The following ZNF236 variants were observed in gnomAD, a reference collection of about 807,000 sequenced individuals.
ZNF236 encodes the protein zinc finger protein 236, also known as regulated by glucose.
A neutral mutation model predicts 191.2 loss-of-function variants in ZNF236; 50 were observed. The observed-to-expected ratio is 0.26, with a 90% CI of 0.21 to 0.33. ZNF236 has a LOEUF of 0.33. Among genes scored for constraint, ZNF236 ranks in the 10% least tolerant of loss-of-function variants. The probability of loss-of-function intolerance (pLI) is 1.00; values close to 1 mark genes in which losing one functional copy is unlikely to be tolerated. For synonymous variants in ZNF236, 907 were observed against 928.8 expected (o/e 0.98, Z 0.43); for missense variants, 1,754 against 2,374.5 (o/e 0.74, Z 5.43).
rs1474660583 is a variant in ZNF236, at chr18:76,925,319, C to G, written c.3792C>G (p.Thr1264=). 1 of 1,614,062 alleles carries G rather than the reference C, an allele frequency of 6.2e-7. No individual in the cohort carries two copies. The highest frequency in any genetic ancestry group is 1.3e-5 in the African/African-American group (1 of 74,900). The change falls in exon 22 of 31, where the codon ACC becomes ACG. Residue 1264 remains threonine (T), a synonymous_variant. Transcript: ENST00000320610. The surrounding 1 kb of genome is among the most constrained non-coding windows in gnomAD (Gnocchi z 5.7). The part of the protein sequence containing the change: ...KCPHCELRFR[T]SGRRKTHMQF... ...CGCATTGCGAGCTGCGTTTCCGTAC[C>G]TCGGGTAGAAGAAAGACACACATGC...
At chr18:76,892,153 GAAA>G (rs1977257754) in intron 9 of ZNF236, among the ~76,000 whole-genome samples, 1 of 59,672 alleles carries the variant, frequency 1.7e-5, no homozygotes, top group East Asian at 5.3e-4. Context: ...TTTTCTTTTT[GAAA>G]TTTTCTTCTG....
At chr18:76,905,990 G>A (rs937773417) in intron 13 of ZNF236, among the ~76,000 whole-genome samples, 1 of 152,188 alleles carries the variant, frequency 6.6e-6, no homozygotes, top group Admixed American at 6.5e-5. Flanking sequence ...TTTCTGTGAA[G>A]CCACAGAATT....
chr18:76,944,714 G>A (rs1284643207), intron 26 of ZNF236, among the ~76,000 whole-genome samples: 1 of 152,154 alleles, frequency 6.6e-6, no homozygotes, highest in African/African-American at 2.4e-5. Context: ...CTCAGGAGGT[G>A]GAGGTTGCAG....
chr18:76,829,331 GT>G (rs11316393), intron 1 of ZNF236, among the ~76,000 whole-genome samples: 106,217 of 138,258 alleles, frequency 0.77, 40,671 homozygotes, highest in Non-Finnish European at 0.81. Context: ...CCTGGGGGAG[GT>G]TTTTTTTTTT....
intron 10 of ZNF236, among the ~76,000 whole-genome samples, chr18:76,897,486 G>A (rs1477306129): frequency 6.6e-6 from 1 of 151,328 alleles, no homozygotes; most frequent in Non-Finnish European, 1.5e-5. Flanking sequence ...ACATAGTACT[G>A]TACATAGTAC....
chr18:76,908,678 A>C lies in ZNF236; in HGVS notation c.2551+105A>C, dbSNP rs185390467. 2.7e-4 allele frequency: 379 copies of C among 1,416,754 alleles called. 4 individuals are homozygous for C. The highest frequency in any genetic ancestry group is 1.2e-5 in the Non-Finnish European group (13 of 1,052,888). The allele number at this position is 1,416,754 out of a possible 1,614,324, so 87.8% of individuals were successfully genotyped here. On this transcript the variant is annotated intron_variant, in intron 14 of 30. Coordinates refer to ENST00000320610, the MANE Select transcript of ZNF236 (RefSeq NM_001306089.2). The stretch of plus-strand genomic sequence containing the variant: ...GTCTCCCATCACTGACTTTTAAAAC[A>C]ATTTGTGCTGTATGTGAAAGAGATT...
intron 1 of ZNF236, among the ~76,000 whole-genome samples, chr18:76,846,143 A>G (rs1975672375): frequency 6.6e-6 from 1 of 151,980 alleles, no homozygotes; most frequent in South Asian, 2.1e-4. Flanking sequence ...AAATAGAGAC[A>G]GTCTCGCTAT....
chr18:76,898,253 T>C (rs372629289), intron 10 of ZNF236: 1 of 152,250 alleles, frequency 6.6e-6, no homozygotes. Flanking sequence ...ATATTTACCA[T>C]TTTAATGTGT....
intron 30 of ZNF236, among the ~76,000 whole-genome samples, chr18:76,964,756 A>G (rs1248556860): frequency 4.6e-5 from 7 of 152,094 alleles, no homozygotes; most frequent in Admixed American, 4.6e-4. Flanking sequence ...TGTTAGGTGC[A>G]TGTATGTTTA....
At chr18:76,868,561 A>G in intron 3 of ZNF236, 124 bp from the exon 4 acceptor site, 2 of 706,818 alleles carry the variant, frequency 2.8e-6, no homozygotes, top group Non-Finnish European at 4.3e-6. Flanking sequence ...ATTAGATCAA[A>G]ATCAAGATTA....
chr18:76,957,671 C>T (rs1191657983), intron 28 of ZNF236, among the ~76,000 whole-genome samples: 1 of 152,190 alleles, frequency 6.6e-6, no homozygotes, highest in African/African-American at 2.4e-5. Context: ...TCTCCCTCCT[C>T]CCTCAAGGAG....
At chr18:76,907,471 G>A (rs1274763854) in intron 13 of ZNF236, among the ~76,000 whole-genome samples, 1 of 152,182 alleles carries the variant, frequency 6.6e-6, no homozygotes, top group Non-Finnish European at 1.5e-5. Context: ...TGGGATTACA[G>A]GCGTGCACCC....
chr18:76,915,705 C>A lies in ZNF236; in HGVS notation c.3120C>A (p.Leu1040=). ...CTTCCTTCACCACCAATGGCAGCCTCACCCGGCACATGGCCACACATATGA... is the reference window on the plus strand; with the variant it reads ...CTTCCTTCACCACCAATGGCAGCCTAACCCGGCACATGGCCACACATATGA... ...CNASFTTNGS[L]TRHMATHMSM... The change falls in exon 19 of 31, where the codon CTC becomes CTA. Residue 1040 remains leucine (L), a synonymous_variant. Transcript: ENST00000320610. 6.2e-7 allele frequency: 1 copy of A among 1,614,164 alleles called. No individual in the cohort carries two copies. Among genetic ancestry groups the A allele is most frequent in the South Asian group, 1.1e-5 (1 of 91,086 alleles).
chr18:76,887,555 T>C (rs1339872197), intron 9 of ZNF236: 1 of 152,214 alleles, frequency 6.6e-6, no homozygotes, highest in Non-Finnish European at 1.5e-5. Context: ...TGTATTAGTC[T>C]GTTCTCATGC....
chr18:76,949,290 G>A (rs561760324), intron 27 of ZNF236, among the ~76,000 whole-genome samples: 2 of 152,282 alleles, frequency 1.3e-5, no homozygotes, highest in Non-Finnish European at 1.5e-5. Context: ...AATATAGGTA[G>A]AAGAATAATG....
intron 1 of ZNF236, among the ~76,000 whole-genome samples, chr18:76,826,562 G>A (rs1193367064): frequency 1.3e-5 from 2 of 150,942 alleles, no homozygotes; most frequent in Non-Finnish European, 3.0e-5. Flanking sequence ...AGGCTGAGGT[G>A]GGCAGATCAC....
chr18:76,922,542 GT>G (rs1317536842), intron 20 of ZNF236, among the ~76,000 whole-genome samples: 1 of 149,514 alleles, frequency 6.7e-6, no homozygotes, highest in African/African-American at 2.5e-5. Flanking sequence ...GAGTTCTTGG[GT>G]TTTTTAAGGA....
chr18:76,930,973 A>G (rs1008991547), intron 25 of ZNF236: 2 of 152,234 alleles, frequency 1.3e-5, no homozygotes, highest in Non-Finnish European at 2.9e-5. Flanking sequence ...AATGACAATG[A>G]AAACTTTGAG....
Position 76,927,931 on chromosome 18 carries a change from C to T in ZNF236, c.4419C>T (p.Thr1473=), listed in dbSNP as rs1967748318. The change falls in exon 25 of 31, where the codon ACC becomes ACT. Residue 1473 remains threonine (T), a synonymous_variant. Transcript: ENST00000320610. The surrounding 1 kb of genome is among the most constrained non-coding windows in gnomAD (Gnocchi z 5.4). ...DSVLTTNSSG[T]QDLTQVMTSQ... ...TTGCTTTGTAATGACAATCAGGGAC[C>T]CAAGACCTCACTCAAGTGATGACTT... 1.0e-5 allele frequency: 16 copies of T among 1,593,746 alleles called. No individual in the cohort carries two copies. The highest frequency in any genetic ancestry group is 1.3e-5 in the African/African-American group (1 of 74,212).
Sources: allele counts gnomAD v4.1 joint callset (sites outside exome capture counted in the v4.1 genomes callset), GRCh38; gene constraint gnomAD v4.1.1; non-coding constraint Gnocchi (gnomAD v3.1); transcripts MANE v1.5; gene names NCBI Gene and HGNC (gene_info 2026-07-23, HGNC 2026-07-21).